The following VAV2 variants were observed in gnomAD, a reference collection of about 807,000 sequenced individuals.
VAV2 encodes the protein guanine nucleotide exchange factor VAV2.
In VAV2, 67 loss-of-function variants were observed where a neutral mutation model predicts 132.5. That is an observed-to-expected ratio of 0.51 (90% confidence interval 0.42 to 0.62). The LOEUF (loss-of-function observed/expected upper bound fraction) is 0.62, where lower values mean the gene tolerates loss of function less well. Among genes scored for constraint, VAV2 ranks in the 20% least tolerant of loss-of-function variants. The pLI is 0.00. For synonymous variants in VAV2, 492 were observed against 443.5 expected, an observed-to-expected ratio of 1.11 and a Z score of -1.37; for missense variants, 938 against 1,153.6, an observed-to-expected ratio of 0.81 and a Z score of 2.71.
intron 4 of VAV2, among the ~76,000 whole-genome samples, chr9:133,814,064 G>C (rs567537850): frequency 1.6e-4 from 25 of 152,204 alleles, no homozygotes; most frequent in Non-Finnish European, 2.6e-4. Context: ...CCGTGCGGGA[G>C]AACTGAAGCC....
At chr9:133,899,261 G>A (rs1337832087) in intron 2 of VAV2, among the ~76,000 whole-genome samples, 1 of 151,618 alleles carries the variant, frequency 6.6e-6, no homozygotes, top group Admixed American at 6.6e-5. Context: ...CCCATGGGGA[G>A]CTGGGACTCC....
At chr9:133,965,473 T>A (rs2132237397) in intron 1 of VAV2, among the ~76,000 whole-genome samples, 1 of 140,316 alleles carries the variant, frequency 7.1e-6, no homozygotes, top group African/African-American at 2.7e-5. Context: ...CACTCCAGCC[T>A]GGATGACAGA....
intron 12 of VAV2, 107 bp from the exon 13 acceptor site, chr9:133,791,976 T>A: frequency 4.6e-6 from 1 of 215,928 alleles, no homozygotes; most frequent in Non-Finnish European, 7.1e-6. Flanking sequence ...GTGAGCGGGC[T>A]GTGCTGGGTG....
chr9:133,790,073 C>A (rs1205505503), intron 13 of VAV2, among the ~76,000 whole-genome samples: 64 of 152,214 alleles, frequency 4.2e-4, no homozygotes, highest in Admixed American at 4.2e-3. Context: ...GGCCTCTGAT[C>A]TCAGCTCTCA....
Position 133,928,188 on chromosome 9 carries a change from TGC to T in VAV2, c.321+10913_321+10914del, listed in dbSNP as rs35928608. ...CCGACTCCGTGTGTGTGTGTGTGTG[TGC>T]GTGCATGTGTGTATGTCTGTGTGTG... On this transcript the variant is annotated intron_variant, in intron 2 of 29. Coordinates refer to ENST00000371850, the MANE Select transcript of VAV2 (RefSeq NM_001134398.2). This position sits in a 1 kb window ranked among gnomAD's most constrained non-coding sequence, Gnocchi z 5.4. 0.86 allele frequency among the ~76,000 whole-genome samples: 129,985 copies of T among 151,296 alleles called. 56,971 individuals carry two copies. Among genetic ancestry groups the T allele is most frequent in the East Asian group, 0.97 (4,974 of 5,148 alleles).
At position 133,816,948 on chromosome 9, in the gene VAV2, G is replaced by C. The variant is rs2502753; in HGVS notation, c.450-4732C>G. Among the ~76,000 whole-genome samples the C allele has an allele frequency of 7.9e-3, 1,199 of 152,274 alleles. 17 individuals carry two copies. The highest frequency in any genetic ancestry group is 0.027 in the African/African-American group (1,123 of 41,528). Reference sequence around the variant, plus strand: ...TAAATCTAGCTTTGTTCTTCTACAAGACTGATTAAGCCATTCCAAGGTCCT... The same window carrying C: ...TAAATCTAGCTTTGTTCTTCTACAACACTGATTAAGCCATTCCAAGGTCCT... On this transcript the variant is annotated intron_variant, in intron 4 of 29. Coordinates refer to ENST00000371850, the MANE Select transcript of VAV2 (RefSeq NM_001134398.2).
At chr9:133,932,097 C>T (rs1429306777) in intron 2 of VAV2, among the ~76,000 whole-genome samples, 2 of 152,186 alleles carry the variant, frequency 1.3e-5, no homozygotes, top group Non-Finnish European at 2.9e-5. Context: ...GCCACAGAAA[C>T]CCCGCAGCCT....
chr9:133,780,659 G>A, intron 20 of VAV2, 35 bp downstream of exon 20: 1 of 1,289,370 alleles, frequency 7.8e-7, no homozygotes, highest in Non-Finnish European at 9.9e-7. Flanking sequence ...TGGCGGGGGT[G>A]GGGCAGAGGG....
intron 3 of VAV2, among the ~76,000 whole-genome samples, chr9:133,844,357 C>T (rs993135855): frequency 1.3e-5 from 2 of 152,208 alleles, no homozygotes; most frequent in African/African-American, 4.8e-5. Context: ...CTCTGCCTTT[C>T]ACTCCATGCC....
At chr9:133,832,527 T>C (rs1477031420) in intron 4 of VAV2, among the ~76,000 whole-genome samples, 1 of 152,040 alleles carries the variant, frequency 6.6e-6, no homozygotes, top group East Asian at 1.9e-4. Context: ...CTCAGAAGCC[T>C]GCATGCTGGA....
Position 133,826,913 on chromosome 9 carries a change from G to A in VAV2, c.449+7359C>T, listed in dbSNP as rs1836011819. 1.3e-5 allele frequency among the ~76,000 whole-genome samples: 2 copies of A among 152,132 alleles called. No homozygotes were observed. ...CTGCCACAGCGGCACCAGTGTCCTC[G>A]CAAGACGCACTCATCACGGCGCTCT... On this transcript the variant is annotated intron_variant, in intron 4 of 29. Transcript: ENST00000371850. This position sits in a 1 kb window ranked among gnomAD's most constrained non-coding sequence, Gnocchi z 4.2.
chr9:133,837,828 C>G (rs990065126), intron 3 of VAV2, among the ~76,000 whole-genome samples: 1 of 151,968 alleles, frequency 6.6e-6, no homozygotes, highest in Non-Finnish European at 1.5e-5. Context: ...TTTCCTTTAC[C>G]TGCCCAACCC....
At chr9:133,854,212 C>T (rs1002759123) in intron 3 of VAV2, among the ~76,000 whole-genome samples, 1 of 126,536 alleles carries the variant, frequency 7.9e-6, no homozygotes, top group Admixed American at 7.2e-5. Context: ...CTGCAATGCA[C>T]ACACACACCC....
At chr9:133,821,574 C>T (rs1358024178) in intron 4 of VAV2, among the ~76,000 whole-genome samples, 1 of 152,190 alleles carries the variant, frequency 6.6e-6, no homozygotes, top group Non-Finnish European at 1.5e-5. Flanking sequence ...AAAGGAGGGG[C>T]TCATTCAATG....
intron 2 of VAV2, among the ~76,000 whole-genome samples, chr9:133,887,933 C>T (rs545183448): frequency 2.0e-5 from 3 of 152,342 alleles, no homozygotes; most frequent in Admixed American, 6.5e-5. Flanking sequence ...CGTAGAGCAA[C>T]GCAGCGTCCA....
At chr9:133,872,262 G>A (rs1192813725) in intron 2 of VAV2, among the ~76,000 whole-genome samples, 1 of 152,208 alleles carries the variant, frequency 6.6e-6, no homozygotes. Flanking sequence ...CAGCCCCAAA[G>A]AAAACTGCAA....
intron 3 of VAV2, among the ~76,000 whole-genome samples, chr9:133,842,477 C>T (rs1376730289): frequency 1.3e-5 from 2 of 152,364 alleles, no homozygotes; most frequent in Middle Eastern, 3.4e-3. Flanking sequence ...CCAGCCCTGA[C>T]ATCTACTGTC....
chr9:133,792,423 CAT>C (rs1405134233), intron 12 of VAV2, among the ~76,000 whole-genome samples: 1 of 140,094 alleles, frequency 7.1e-6, no homozygotes, highest in South Asian at 2.3e-4. Flanking sequence ...TGTGTGAGAA[CAT>C]GTGTGTCTGA....
intron 9 of VAV2, among the ~76,000 whole-genome samples, chr9:133,803,661 G>A (rs974193533): frequency 6.6e-5 from 10 of 152,298 alleles, no homozygotes; most frequent in African/African-American, 2.4e-4. Flanking sequence ...AAAAGAGGGA[G>A]GTGACTGTCT....
Sources: gnomAD v4.1 joint callset for allele counts (sites outside exome capture counted in the v4.1 genomes callset) on GRCh38, gnomAD v4.1.1 for gene constraint, Gnocchi (gnomAD v3.1) non-coding constraint, MANE v1.5 for transcripts, NCBI Gene and HGNC (gene_info 2026-07-23, HGNC 2026-07-21) for gene names.